The following MFSD2B variants were observed in gnomAD, a reference collection of about 807,000 sequenced individuals.
The protein encoded by MFSD2B is MFSD2 lysolipid transporter B, sphingolipid.
In MFSD2B, 56 loss-of-function variants were observed where a neutral mutation model predicts 58.4. The ratio of observed to expected loss-of-function variants is 0.96; its 90% CI spans 0.77 to 1.20. The LOEUF is 1.20. MFSD2B is among the 50% of genes most tolerant of loss of function. The pLI is 0.00. For missense variants in MFSD2B, 645 were observed against 667.6 expected, an observed-to-expected ratio of 0.97 and a Z score of 0.37; for synonymous variants, 287 against 294.4, an observed-to-expected ratio of 0.97 and a Z score of 0.26.
At chr2:24,015,871 G>A (rs571777878) in intron 2 of MFSD2B, among the ~76,000 whole-genome samples, 6 of 152,330 alleles carry the variant, frequency 3.9e-5, no homozygotes, top group South Asian at 2.1e-4. Context: ...TCAGCCCAGA[G>A]GCACCCTCCT....
Position 24,024,300 on chromosome 2 carries a change from C to T in MFSD2B, c.1490+29C>T, listed in dbSNP as rs755205721. On this transcript the variant is annotated intron_variant, in intron 13 of 13. Coordinates refer to ENST00000338315, the MANE Select transcript of MFSD2B (RefSeq NM_001346880.2). This position sits in a 1 kb window ranked among gnomAD's most constrained non-coding sequence, Gnocchi z 4.3. ...AGCCCCGCACGCCCCCTGCAGCCAG[C>T]GAGGCACAGTGTGGGCTGCTGGGGG... 9.6e-6 allele frequency: 15 copies of T among 1,569,100 alleles called. No homozygotes were observed. Among genetic ancestry groups the T allele is most frequent in the African/African-American group, 6.8e-5 (5 of 73,886 alleles).
rs1459526510 is a variant in MFSD2B at position 24,023,427 on chromosome 2, G to C, written c.1170-156G>C. 7 of 966,814 alleles carry C rather than the reference G, an allele frequency of 7.2e-6. No individual in the cohort carries two copies. In the East Asian group the frequency reaches 1.8e-4, roughly 25 times the overall value. 59.9% of individuals were successfully genotyped at this position (966,814 alleles called of 1,614,324 possible). A position where few individuals can be genotyped will look rare whatever the true frequency, so the allele number is the denominator to read the frequency against. ...GGGGGGCCGGCAGGGGGCTGGCGGGGGGTACGAGCACACAGGCCATCTGCT... is the reference window on the plus strand; with the variant it reads ...GGGGGGCCGGCAGGGGGCTGGCGGGCGGTACGAGCACACAGGCCATCTGCT... On this transcript the variant is annotated intron_variant, in intron 11 of 13. Transcript: ENST00000338315. This position sits in a 1 kb window ranked among gnomAD's most constrained non-coding sequence, Gnocchi z 5.0.
In MFSD2B at chr2:24,025,485, C is replaced by G; in HGVS notation, c.*29C>G. The G allele has an allele frequency of 6.5e-7, 1 of 1,534,184 alleles. No homozygotes were observed. The highest frequency in any genetic ancestry group is 8.7e-7 in the Non-Finnish European group (1 of 1,145,196). ...TTAGGAGGGCGACTGTGAATGGACA[C>G]AGGAGCCAGCACCCTCGGGGCCTGA... On this transcript the variant is annotated 3_prime_UTR_variant, in exon 14 of 14. Coordinates refer to ENST00000338315, the MANE Select transcript of MFSD2B (RefSeq NM_001346880.2).
chr2:24,016,040 T>C, intron 2 of MFSD2B, 116 bp from the exon 3 acceptor site: 1 of 1,302,344 alleles, frequency 7.7e-7, no homozygotes, highest in Non-Finnish European at 1.1e-6. Context: ...CTTGACACTG[T>C]GGCTCTGCCC....
rs1708927505 is a variant in MFSD2B, at chr2:24,010,804, C to A, written c.96+612C>A. On this transcript the variant is annotated intron_variant, in intron 1 of 13. Transcript: ENST00000338315. ...CTGGGGCTTCCTGGGCCTCACTGAA[C>A]GCGCCTGCTCCCTGCTCGTGCCCAG... is the stretch of plus-strand genomic sequence containing the variant. Among the ~76,000 whole-genome samples, 5 of 152,274 alleles carry A rather than the reference C, an allele frequency of 3.3e-5. No homozygotes were observed. In the South Asian group the frequency reaches 8.3e-4, roughly 25 times the overall value.
intron 3 of MFSD2B, 122 bp from the exon 4 acceptor site, chr2:24,016,723 C>CA: frequency 8.0e-7 from 1 of 1,244,176 alleles, no homozygotes; most frequent in Admixed American, 2.4e-5. Context: ...GGCTCCCACC[C>CA]AGGGCGCCCC....
rs1708899753 is a variant in MFSD2B, at chr2:24,010,091, G to A, written c.-6G>A. On this transcript the variant is annotated 5_prime_UTR_variant, in exon 1 of 14. It adds an upstream start codon to the 5' untranslated region. Coordinates refer to ENST00000338315, the MANE Select transcript of MFSD2B (RefSeq NM_001346880.2). ...GGCAACGGCCGCGGGCGGCGCTGCG[G>A]TGGCAATGGCGGCGCCCCCTGCACC... 5 of 1,430,416 alleles carry A rather than the reference G, an allele frequency of 3.5e-6. No individual in the cohort carries two copies. Among genetic ancestry groups the A allele is most frequent in the Non-Finnish European group, 4.6e-6 (5 of 1,098,218 alleles). The allele number at this position is 1,430,416 out of a possible 1,614,324, so 88.6% of individuals were successfully genotyped here.
intron 6 of MFSD2B, among the ~76,000 whole-genome samples, chr2:24,019,080 A>G (rs34686340): frequency 0.46 from 69,975 of 151,608 alleles, 17,028 homozygotes; most frequent in East Asian, 0.82. Context: ...CAAATTCCTG[A>G]CCTCAGGTAA....
chr2:24,022,451 G>A lies in MFSD2B; in HGVS notation c.913G>A (p.Val305Ile). ...AAVQVEQSYL[V>I]LFCTHASQLH... ...TCCTCAGGTGGAGCAGAGCTACCTG[G>A]TCCTGTTCTGTACACATGCCTCCCA... The change falls in exon 9 of 14, where the codon GTC becomes ATC. Residue 305 changes from valine to isoleucine, a missense_variant. Transcript: ENST00000338315. The surrounding 1 kb of genome is among the most constrained non-coding windows in gnomAD (Gnocchi z 4.5). 1 of 1,613,186 alleles carries A rather than the reference G, an allele frequency of 6.2e-7. No homozygotes were observed. The highest frequency in any genetic ancestry group is 1.1e-5 in the South Asian group (1 of 90,766).
rs78620583 is a variant in MFSD2B at position 24,020,059 on chromosome 2, G to T, written c.682-1589G>T. Among the ~76,000 whole-genome samples, 1 of 152,236 alleles carries T rather than the reference G, an allele frequency of 6.6e-6. No homozygotes were observed. Among genetic ancestry groups the T allele is most frequent in the Non-Finnish European group, 1.5e-5 (1 of 68,040 alleles). On this transcript the variant is annotated intron_variant, in intron 6 of 13. Coordinates refer to ENST00000338315, the MANE Select transcript of MFSD2B (RefSeq NM_001346880.2). This position sits in a 1 kb window ranked among gnomAD's most constrained non-coding sequence, Gnocchi z 4.1. ...ACATGCCTCCCAGCTACACGACCAC[G>T]TCCAGGACCTGGTGCTAGCTGTCCT... is the stretch of plus-strand genomic sequence containing the variant.
At position 24,017,725 on chromosome 2, in the gene MFSD2B, C is replaced by A; in HGVS notation, c.681+137C>A. The A allele has an allele frequency of 1.1e-6, 1 of 939,584 alleles. No homozygotes were observed. The highest frequency in any genetic ancestry group is 1.6e-6 in the Non-Finnish European group (1 of 642,036). The allele number at this position is 939,584 out of a possible 1,614,324, so 58.2% of individuals were successfully genotyped here. ...CTCACTGTGCCCCCTCATTCCTTCCCTGCTCCTCCAGTTGAGCAGATGGCC... is the reference window on the plus strand; with the variant it reads ...CTCACTGTGCCCCCTCATTCCTTCCATGCTCCTCCAGTTGAGCAGATGGCC... On this transcript the variant is annotated intron_variant, in intron 6 of 13. Transcript: ENST00000338315. This position sits in a 1 kb window ranked among gnomAD's most constrained non-coding sequence, Gnocchi z 4.8.
At position 24,022,502 on chromosome 2, in the gene MFSD2B, G is replaced by T; in HGVS notation, c.964G>T (p.Val322Leu). 6.2e-7 allele frequency: 1 copy of T among 1,613,026 alleles called. No homozygotes were observed. Among genetic ancestry groups the T allele is most frequent in the Non-Finnish European group, 8.5e-7 (1 of 1,179,540 alleles). The change falls in exon 9 of 14, where the codon GTA becomes TTA. Residue 322 changes from valine to leucine, a missense_variant. Physicochemically the swap from Val to Leu is conservative, Grantham distance 32. Coordinates refer to ENST00000338315, the MANE Select transcript of MFSD2B (RefSeq NM_001346880.2). This position sits in a 1 kb window ranked among gnomAD's most constrained non-coding sequence, Gnocchi z 4.5. Reference protein sequence around the residue: ...SQLHDHVQGLVLTVLVSAVLS... With the variant: ...SQLHDHVQGLLLTVLVSAVLS... ...GCTACACGACCACGTCCAGGGCCTG[G>T]TACTAACTGTCCTGGTGAGGGGGCC...
Position 24,024,241 on chromosome 2 carries a change from G to A in MFSD2B, c.1460G>A (p.Arg487Gln), listed in dbSNP as rs758480146. Residue 487 changes from arginine to glutamine, a missense_variant, in exon 13 of 14, where the codon CGG becomes CAG. Transcript: ENST00000338315. This position sits in a 1 kb window ranked among gnomAD's most constrained non-coding sequence, Gnocchi z 4.3. ...MVGSTPKTPS[R>Q]DASSRLSLRR... ...GGCTCCACTCCAAAGACACCCAGTC[G>A]GGACGCCTCCAGCCGGCTGAGCCTT... 1.2e-5 allele frequency: 20 copies of A among 1,610,940 alleles called. No homozygotes were observed. Among genetic ancestry groups the A allele is most frequent in the South Asian group, 2.2e-5 (2 of 90,586 alleles).
Position 24,023,731 on chromosome 2 carries a change from G to C in MFSD2B, c.1313+5G>C. 2 of 1,613,670 alleles carry C rather than the reference G, an allele frequency of 1.2e-6. No homozygotes were observed. The highest frequency in any genetic ancestry group is 8.5e-7 in the Non-Finnish European group (1 of 1,179,692). On this transcript the variant is annotated splice_donor_5th_base_variant and intron_variant, in intron 12 of 13. Coordinates refer to ENST00000338315, the MANE Select transcript of MFSD2B (RefSeq NM_001346880.2). The surrounding 1 kb of genome is among the most constrained non-coding windows in gnomAD (Gnocchi z 5.0). The stretch of plus-strand genomic sequence containing the variant: ...CATCTCCACCCTCAGTCTGGAGTGA[G>C]TCCCAGGGTTAGGATACAGCAGAGG...
rs1709181984 is a variant in MFSD2B, at chr2:24,017,220, T to A, written c.472-66T>A. On this transcript the variant is annotated intron_variant, in intron 4 of 13. Coordinates refer to ENST00000338315, the MANE Select transcript of MFSD2B (RefSeq NM_001346880.2). This position sits in a 1 kb window ranked among gnomAD's most constrained non-coding sequence, Gnocchi z 4.8. ...GGGTGTCGGGATGTGACACCCAGGA[T>A]GGGGGAGGTCGCCCGCTGTCACCAG... The A allele has an allele frequency of 3.4e-6, 5 of 1,489,742 alleles. No homozygotes were observed. In the Admixed American group the frequency reaches 9.9e-5, roughly 30 times the overall value. 92.3% of individuals were successfully genotyped at this position (1,489,742 alleles called of 1,614,324 possible).
intron 1 of MFSD2B, among the ~76,000 whole-genome samples, chr2:24,011,492 T>C (rs1708951978): frequency 6.6e-6 from 1 of 152,160 alleles, no homozygotes; most frequent in Admixed American, 6.5e-5. Context: ...CAAAGTGTGA[T>C]AAACCCTTAT....
intron 6 of MFSD2B, chr2:24,018,849 CTTT>C (rs34543246): frequency 4.3e-5 from 5 of 116,568 alleles, no homozygotes; most frequent in African/African-American, 6.6e-5. Flanking sequence ...GCCTTTTGTG[CTTT>C]TTTTTTTTTT....
At position 24,017,190 on chromosome 2, in the gene MFSD2B, C is replaced by A; in HGVS notation, c.472-96C>A. The A allele has an allele frequency of 7.3e-7, 1 of 1,363,166 alleles. No homozygotes were observed. 84.4% of individuals were successfully genotyped at this position (1,363,166 alleles called of 1,614,324 possible). On this transcript the variant is annotated intron_variant, in intron 4 of 13. Coordinates refer to ENST00000338315, the MANE Select transcript of MFSD2B (RefSeq NM_001346880.2). This position sits in a 1 kb window ranked among gnomAD's most constrained non-coding sequence, Gnocchi z 4.8. ...GGCCAGCTGGGATATGTCACGTTGG[C>A]CTGTGGGTGTCGGGATGTGACACCC...
chr2:24,022,740 C>A lies in MFSD2B; in HGVS notation c.979-82C>A. On this transcript the variant is annotated intron_variant, in intron 9 of 13. Transcript: ENST00000338315. This position sits in a 1 kb window ranked among gnomAD's most constrained non-coding sequence, Gnocchi z 4.5. ...AGGGGCAAGGCCAAGGTCAGGCATC[C>A]AATCTAAAAGCCAAGGCCTTGGGGT... 1 of 1,097,654 alleles carries A rather than the reference C, an allele frequency of 9.1e-7. No individual in the cohort carries two copies. Among genetic ancestry groups the A allele is most frequent in the Non-Finnish European group, 1.3e-6 (1 of 777,500 alleles). The allele number at this position is 1,097,654 out of a possible 1,614,324, so 68.0% of individuals were successfully genotyped here.
Sources: gnomAD v4.1 joint callset for allele counts (sites outside exome capture counted in the v4.1 genomes callset) on GRCh38, gnomAD v4.1.1 for gene constraint, Gnocchi (gnomAD v3.1) non-coding constraint, MANE v1.5 for transcripts, NCBI Gene and HGNC (gene_info 2026-07-23, HGNC 2026-07-21) for gene names.